The following EFHC2 variants were observed in gnomAD, a reference collection of about 807,000 sequenced individuals.
EFHC2 encodes the protein EF-hand domain-containing family member C2.
EFHC2 carries 18 observed loss-of-function variants against 52.7 expected under a neutral mutation model. That is an observed-to-expected ratio of 0.34 (90% CI 0.24 to 0.51). The LOEUF is 0.51. EFHC2 is among the 20% of genes least tolerant of loss of function. EFHC2 has a pLI of 0.97. For missense variants in EFHC2, 513 were observed against 562.5 expected (o/e 0.91, Z 0.89); for synonymous variants, 203 against 204.1 (o/e 0.99, Z 0.04).
intron 2 of EFHC2, chrX:44,310,114 C>A: frequency 1.4e-6 from 1 of 701,391 alleles, no homozygotes; most frequent in Non-Finnish European, 2.3e-6. Flanking sequence ...TATCTCTCCT[C>A]GGGCTTCAGG....
At chrX:44,251,029 G>A (rs2037440317) in intron 4 of EFHC2, among the ~76,000 whole-genome samples, 1 of 104,422 alleles carries the variant, frequency 9.6e-6, no homozygotes, top group South Asian at 4.4e-4. Flanking sequence ...ACGAGGTCAG[G>A]AGATCGAGAC....
intron 1 of EFHC2, among the ~76,000 whole-genome samples, chrX:44,317,568 T>G (rs983117681): frequency 8.9e-6 from 1 of 112,766 alleles, no homozygotes; most frequent in African/African-American, 3.2e-5. Context: ...GGCAGATCAT[T>G]TGAGTCCAGG....
intron 2 of EFHC2, among the ~76,000 whole-genome samples, chrX:44,293,401 C>T (rs2037806431): frequency 1.8e-5 from 2 of 111,379 alleles, no homozygotes; most frequent in African/African-American, 6.5e-5. Context: ...ACCACATCAT[C>T]TATAGGCACT....
intron 1 of EFHC2, among the ~76,000 whole-genome samples, chrX:44,329,658 A>G (rs757882503): frequency 9.1e-6 from 1 of 109,493 alleles, no homozygotes; most frequent in Non-Finnish European, 1.9e-5. Flanking sequence ...GATACAGTAC[A>G]GTAGTGTGAC....
At chrX:44,266,173 G>C (rs1289858244) in intron 3 of EFHC2, among the ~76,000 whole-genome samples, 1 of 110,450 alleles carries the variant, frequency 9.1e-6, no homozygotes, top group East Asian at 2.9e-4. Flanking sequence ...AGAAACTTTT[G>C]AGGTACCATT....
chrX:44,309,684 T>A (rs67751645), intron 2 of EFHC2: 137,644 of 1,068,110 alleles, frequency 0.13, 6,563 homozygotes, highest in African/African-American at 0.25. Flanking sequence ...GTAAACCCTC[T>A]TCTCTGCTAA....
intron 1 of EFHC2, among the ~76,000 whole-genome samples, chrX:44,325,772 C>T (rs1246159546): frequency 9.6e-6 from 1 of 103,847 alleles, no homozygotes; most frequent in Non-Finnish European, 1.9e-5. Flanking sequence ...GTGTGAGGTG[C>T]CTGGTAAGAA....
At chrX:44,202,572 A>C (rs2037015246) in intron 11 of EFHC2, among the ~76,000 whole-genome samples, 1 of 112,083 alleles carries the variant, frequency 8.9e-6, no homozygotes. Context: ...TTTCTATTTC[A>C]AAGTGACAGA....
chrX:44,336,092 A>G (rs953723952), intron 1 of EFHC2, among the ~76,000 whole-genome samples: 4 of 112,093 alleles, frequency 3.6e-5, no homozygotes, highest in Non-Finnish European at 5.6e-5. Context: ...ATTAAAATCA[A>G]GAGGAGATAC....
chrX:44,156,185 T>C (rs1278278976), intron 14 of EFHC2, among the ~76,000 whole-genome samples: 1 of 112,572 alleles, frequency 8.9e-6, no homozygotes, highest in Non-Finnish European at 1.9e-5. Flanking sequence ...CCCGATGCTA[T>C]AGATGAAAGT....
chrX:44,271,877 G>A (rs2037620008), intron 3 of EFHC2, among the ~76,000 whole-genome samples: 1 of 111,889 alleles, frequency 8.9e-6, no homozygotes, highest in African/African-American at 3.2e-5. Context: ...TTAGATTCCT[G>A]AGGACATTTA....
intron 13 of EFHC2, among the ~76,000 whole-genome samples, chrX:44,170,022 A>C (rs185065340): frequency 2.7e-5 from 3 of 111,795 alleles, no homozygotes; most frequent in South Asian, 3.8e-4. Context: ...GGGGTGGAGA[A>C]GAATGTGGCC....
chrX:44,156,998 C>G (rs935264021), intron 14 of EFHC2, among the ~76,000 whole-genome samples: 1 of 111,661 alleles, frequency 9.0e-6, no homozygotes, highest in African/African-American at 3.3e-5. Context: ...AGAGGGATAA[C>G]CAAGGGAGTC....
chrX:44,332,192 A>G (rs970268789), intron 1 of EFHC2, among the ~76,000 whole-genome samples: 1 of 111,638 alleles, frequency 9.0e-6, no homozygotes, highest in Non-Finnish European at 1.9e-5. Flanking sequence ...TGATATGGAA[A>G]TAGTCCTGTA....
At chrX:44,317,387 A>G (rs2037990056) in intron 1 of EFHC2, among the ~76,000 whole-genome samples, 1 of 112,653 alleles carries the variant, frequency 8.9e-6, no homozygotes, top group African/African-American at 3.2e-5. Context: ...CCAGTGGTAT[A>G]CTGAGTTGAC....
intron 11 of EFHC2, among the ~76,000 whole-genome samples, chrX:44,201,458 T>C (rs2037005847): frequency 9.0e-6 from 1 of 111,532 alleles, no homozygotes; most frequent in African/African-American, 3.2e-5. Context: ...TAAAATTTGG[T>C]TGTTTAAAAA....
At chrX:44,240,655 T>C (rs1199299912) in intron 8 of EFHC2, among the ~76,000 whole-genome samples, 7 of 111,349 alleles carry the variant, frequency 6.3e-5, no homozygotes, top group Non-Finnish European at 1.3e-4. Context: ...GAGGACAGAG[T>C]ATAAGCTGGC....
rs191841099 is a variant in EFHC2 at position 44,319,064 on chromosome X, C to T, written c.43-6308G>A. 2.3e-4 allele frequency among the ~76,000 whole-genome samples: 24 copies of T among 104,310 alleles called. No homozygotes were observed. The East Asian group carries it at 6.9e-3, about 30-fold the overall frequency. The allele number at this position is 104,310 out of a possible 115,157, so 90.6% of individuals were successfully genotyped here. A position where few individuals can be genotyped will look rare whatever the true frequency, so the allele number is the denominator to read the frequency against. On this transcript the variant is annotated intron_variant, in intron 1 of 14. Coordinates refer to ENST00000420999, the MANE Select transcript of EFHC2 (RefSeq NM_025184.4). ...TGTCGCCCAGGCCGGAGTACAGTGA[C>T]GTGATCCCAGCTCACTGCAACCTCC...
chrX:44,307,239 C>T, intron 2 of EFHC2, among the ~76,000 whole-genome samples: 1 of 111,901 alleles, frequency 8.9e-6, no homozygotes, highest in Non-Finnish European at 1.9e-5. Flanking sequence ...TTTTAATACA[C>T]TTTCCAAAGA....
Sources: allele counts gnomAD v4.1 joint callset (sites outside exome capture counted in the v4.1 genomes callset), GRCh38; gene constraint gnomAD v4.1.1; transcripts MANE v1.5; gene names NCBI Gene and HGNC (gene_info 2026-07-23, HGNC 2026-07-21).